HORMAD1: variants seen among roughly 807,000 people sequenced by gnomAD.
HORMAD1 encodes the protein HORMA domain-containing protein 1.
HORMAD1 carries 33 observed loss-of-function variants against 58.2 expected under a neutral mutation model. The ratio of observed to expected loss-of-function variants is 0.57; its 90% CI spans 0.43 to 0.76. The LOEUF is 0.76. Ranked by LOEUF, HORMAD1 falls within the 30% of genes least tolerant of loss-of-function variation. HORMAD1 has a pLI of 0.00. For missense variants in HORMAD1, 363 were observed against 462.0 expected, an observed-to-expected ratio of 0.79 and a Z score of 1.96; for synonymous variants, 137 against 144.6, an observed-to-expected ratio of 0.95 and a Z score of 0.38.
chr1:150,720,000 G>A (rs2101895268), intron 1 of HORMAD1, among the ~76,000 whole-genome samples: 1 of 151,580 alleles, frequency 6.6e-6, no homozygotes, highest in South Asian at 2.1e-4. Context: ...TGCAAGCTCC[G>A]CCTCCCGGGT....
chr1:150,717,416 C>G (rs587745270), intron 2 of HORMAD1, 134 bp from the exon 3 acceptor site: 1 of 459,292 alleles, frequency 2.2e-6, no homozygotes, highest in Non-Finnish European at 3.8e-6. Context: ...GGTTAGTAAT[C>G]CCCCAAAAGT....
Position 150,717,256 on chromosome 1 carries a change from T to C in HORMAD1, c.60A>G (p.Ile20Met). The change falls in exon 3 of 15, where the codon ATA becomes ATG. Residue 20 changes from isoleucine to methionine, a missense_variant. Ile to Met is a conservative substitution (Grantham distance 10). Coordinates refer to ENST00000361824, the MANE Select transcript of HORMAD1 (RefSeq NM_032132.5). ...ACACCAAAGACTGGTGTTCAGTTGA[T>C]ATCTTATTGGGAAATACCAGTGCAC... ...PMSALVFPNK[I>M]STEHQSLVLV... The C allele has an allele frequency of 6.3e-7, 1 of 1,583,638 alleles. No homozygotes were observed. The highest frequency in any genetic ancestry group is 1.8e-5 in the Admixed American group (1 of 56,338).
chr1:150,713,821 C>A, intron 5 of HORMAD1: 2 of 348,626 alleles, frequency 5.7e-6, no homozygotes, highest in Non-Finnish European at 1.0e-5. Context: ...AATTCATTAA[C>A]TTTTTTGTAA....
At chr1:150,716,355 T>A (rs1202648103) in intron 3 of HORMAD1, among the ~76,000 whole-genome samples, 2 of 151,250 alleles carry the variant, frequency 1.3e-5, no homozygotes, top group Non-Finnish European at 2.9e-5. Flanking sequence ...AGAGACGGGG[T>A]TTCACCATGT....
At chr1:150,700,059 G>T in intron 14 of HORMAD1, 53 bp downstream of exon 14, 1 of 831,478 alleles carries the variant, frequency 1.2e-6, no homozygotes, top group South Asian at 1.5e-5. Context: ...CTGTAGTAAT[G>T]ATATTCTGAT....
At chr1:150,711,309 T>C (rs1029290978) in intron 7 of HORMAD1, among the ~76,000 whole-genome samples, 1 of 152,194 alleles carries the variant, frequency 6.6e-6, no homozygotes, top group Non-Finnish European at 1.5e-5. Context: ...TAACAGTTTG[T>C]AAGCTTTGTG....
At chr1:150,719,954 G>A (rs1455424604) in intron 1 of HORMAD1, among the ~76,000 whole-genome samples, 3 of 151,840 alleles carry the variant, frequency 2.0e-5, no homozygotes, top group African/African-American at 7.3e-5. Context: ...TCGCTCTGTC[G>A]CCAGGCTGGA....
chr1:150,711,141 G>C (rs1651891614), intron 7 of HORMAD1, among the ~76,000 whole-genome samples: 1 of 152,036 alleles, frequency 6.6e-6, no homozygotes, highest in Non-Finnish European at 1.5e-5. Context: ...TCCTTTAATG[G>C]TAAGATAAAT....
intron 13 of HORMAD1, among the ~76,000 whole-genome samples, chr1:150,701,163 T>C (rs1424622403): frequency 6.6e-6 from 1 of 152,210 alleles, no homozygotes. Context: ...GAAATAAATT[T>C]ATGTCCCTAA....
intron 5 of HORMAD1, among the ~76,000 whole-genome samples, chr1:150,713,285 T>A (rs11804276): frequency 0.39 from 58,572 of 152,040 alleles, 11,614 homozygotes; most frequent in South Asian, 0.55. Context: ...TTTTCCTACT[T>A]TACAAGGGAC....
At chr1:150,718,411 T>TG (rs1307273725) in intron 2 of HORMAD1, among the ~76,000 whole-genome samples, 1 of 150,618 alleles carries the variant, frequency 6.6e-6, no homozygotes, top group East Asian at 1.9e-4. Context: ...CTCAAACTCT[T>TG]GCGCTCAAGC....
intron 10 of HORMAD1, among the ~76,000 whole-genome samples, chr1:150,704,905 T>C (rs1651648221): frequency 6.6e-6 from 1 of 152,028 alleles, no homozygotes; most frequent in Non-Finnish European, 1.5e-5. Context: ...TAGCCCGGCG[T>C]GGTGGCACAT....
intron 9 of HORMAD1, among the ~76,000 whole-genome samples, chr1:150,707,501 C>T (rs756780484): frequency 1.1e-4 from 16 of 152,114 alleles, no homozygotes; most frequent in South Asian, 2.1e-4. Flanking sequence ...TATAACTTTG[C>T]GTATTTGCAC....
intron 5 of HORMAD1, among the ~76,000 whole-genome samples, chr1:150,712,466 A>G (rs1651932238): frequency 6.6e-6 from 1 of 152,190 alleles, no homozygotes; most frequent in Non-Finnish European, 1.5e-5. Flanking sequence ...CCAGTACTAC[A>G]GTAATGGCCT....
intron 14 of HORMAD1, among the ~76,000 whole-genome samples, chr1:150,699,381 T>A (rs914697489): frequency 6.6e-6 from 1 of 152,012 alleles, no homozygotes; most frequent in East Asian, 1.9e-4. Context: ...ATTTAGTAAA[T>A]TATCCTCCTT....
intron 4 of HORMAD1, 106 bp from the exon 5 acceptor site, chr1:150,714,227 C>A: frequency 1.6e-6 from 1 of 636,706 alleles, no homozygotes; most frequent in South Asian, 2.3e-5. Context: ...ACAAAAATGT[C>A]TTATTAAAGC....
intron 13 of HORMAD1, chr1:150,701,985 A>C (rs749258099): frequency 6.6e-6 from 1 of 152,176 alleles, no homozygotes; most frequent in Non-Finnish European, 1.5e-5. Flanking sequence ...GAGTGAACAG[A>C]GAACCTACAG....
At chr1:150,700,088 A>G (rs1467069384) in intron 14 of HORMAD1, 24 bp downstream of exon 14, 4 of 1,125,216 alleles carry the variant, frequency 3.6e-6, no homozygotes, top group Non-Finnish European at 5.4e-6. Flanking sequence ...TTGTATTCAA[A>G]CTATACATTA....
At chr1:150,716,149 A>G (rs1460584260) in intron 3 of HORMAD1, among the ~76,000 whole-genome samples, 1 of 98,876 alleles carries the variant, frequency 1.0e-5, no homozygotes, top group Non-Finnish European at 2.0e-5. Context: ...ACAAAGGACC[A>G]CTTTTTTTTT....
Sources: allele counts gnomAD v4.1 joint callset (sites outside exome capture counted in the v4.1 genomes callset), GRCh38; gene constraint gnomAD v4.1.1; transcripts MANE v1.5; gene names NCBI Gene and HGNC (gene_info 2026-07-23, HGNC 2026-07-21).